The following PLEKHA7 variants were observed in gnomAD, a reference collection of about 807,000 sequenced individuals.
PLEKHA7 encodes the protein pleckstrin homology domain containing A7.
A neutral mutation model predicts 170.0 loss-of-function variants in PLEKHA7; 104 were observed. The ratio of observed to expected loss-of-function variants is 0.61; its 90% CI spans 0.52 to 0.72. The LOEUF (loss-of-function observed/expected upper bound fraction) is 0.72. Ranked by LOEUF, PLEKHA7 falls within the 30% of genes least tolerant of loss-of-function variation. The pLI, the probability that PLEKHA7 is intolerant of heterozygous loss-of-function variation, is 0.00. For missense variants in PLEKHA7, 1,615 were observed against 1,671.7 expected (o/e 0.97, Z 0.59); for synonymous variants, 648 against 660.8 (o/e 0.98, Z 0.30).
In PLEKHA7 at chr11:16,803,284, C is replaced by T. The variant is rs1327347944; in HGVS notation, c.2019G>A (p.Arg673=). 9 of 1,613,450 alleles carry T rather than the reference C, an allele frequency of 5.6e-6. No homozygotes were observed. In the Admixed American group the frequency reaches 1.5e-4, roughly 27 times the overall value. ...LEYLDLKMTG[R]DLLKDRSLKP... is the part of the protein sequence containing the mutation. ...TCAGACTTCGATCCTTGAGAAGGTC[C>T]CGGCCTGTCATCTGGGAGGCGAACA... The change falls in exon 14 of 27, where the codon CGG becomes CGA. Residue 673 remains arginine (R), a synonymous_variant. Coordinates refer to ENST00000531066, the MANE Select transcript of PLEKHA7 (RefSeq NM_001329630.2).
At chr11:16,950,228 A>C (rs570565616) in intron 3 of PLEKHA7, among the ~76,000 whole-genome samples, 33 of 152,260 alleles carry the variant, frequency 2.2e-4, no homozygotes, top group African/African-American at 7.9e-4. Context: ...TGAGGCAAGA[A>C]AATAGAACCA....
chr11:16,987,996 G>C (rs1346837176), intron 3 of PLEKHA7, among the ~76,000 whole-genome samples: 2 of 152,232 alleles, frequency 1.3e-5, no homozygotes, highest in Admixed American at 6.5e-5. Flanking sequence ...TGTGTGGAAG[G>C]CCAGGCTCCC....
Position 17,014,098 on chromosome 11 carries a change from C to A in PLEKHA7, c.163+27G>T, listed in dbSNP as rs1429165324. On this transcript the variant is annotated intron_variant, in intron 2 of 26. Transcript: ENST00000531066. Reference sequence around the variant, plus strand: ...CAAACTTGGGCCGCCGCTGCGCGCGCCCCCCACCCGCCGGCCCGGCGCCCA... The same window carrying A: ...CAAACTTGGGCCGCCGCTGCGCGCGACCCCCACCCGCCGGCCCGGCGCCCA... 5 of 1,587,812 alleles carry A rather than the reference C, an allele frequency of 3.1e-6. No individual in the cohort carries two copies. In the Admixed American group the frequency reaches 5.3e-5, roughly 17 times the overall value.
intron 7 of PLEKHA7, 55 bp downstream of exon 7, chr11:16,852,228 C>T (rs1329146080): frequency 4.0e-6 from 6 of 1,501,472 alleles, no homozygotes; most frequent in Non-Finnish European, 5.5e-6. Context: ...CACCAACCAT[C>T]CACATATGTA....
At chr11:16,799,597 A>G (rs1848454427) in intron 17 of PLEKHA7, among the ~76,000 whole-genome samples, 1 of 152,268 alleles carries the variant, frequency 6.6e-6, no homozygotes, top group Non-Finnish European at 1.5e-5. Context: ...AAAAATTCAG[A>G]TCACTGAAGT....
At chr11:16,932,067 C>T (rs1859977790) in intron 3 of PLEKHA7, among the ~76,000 whole-genome samples, 1 of 152,128 alleles carries the variant, frequency 6.6e-6, no homozygotes. Context: ...CATGAACTCT[C>T]ATAGATGTGA....
Position 16,801,664 on chromosome 11 carries a change from G to T in PLEKHA7, c.2307+4C>A, listed in dbSNP as rs549365299. On this transcript the variant is annotated splice_donor_region_variant and intron_variant, in intron 16 of 26. Coordinates refer to ENST00000531066, the MANE Select transcript of PLEKHA7 (RefSeq NM_001329630.2). Reference sequence around the variant, plus strand: ...GGGAGACAGGTCTGCCACCCTCTACGCACAGTGGACTCTCTGGAGAGCTCA... The same window carrying T: ...GGGAGACAGGTCTGCCACCCTCTACTCACAGTGGACTCTCTGGAGAGCTCA... 6.2e-7 allele frequency: 1 copy of T among 1,613,940 alleles called. No individual in the cohort carries two copies.
intron 3 of PLEKHA7, among the ~76,000 whole-genome samples, chr11:17,007,140 A>G (rs1865047875): frequency 6.6e-6 from 1 of 152,196 alleles, no homozygotes; most frequent in Admixed American, 6.5e-5. Context: ...GGGCATGGAT[A>G]CAGGTGCTTG....
In PLEKHA7 at chr11:16,783,742, T is replaced by C; in HGVS notation, c.3608A>G (p.Tyr1203Cys). The change falls in exon 25 of 27, where the codon TAC (tyrosine) becomes TGC (cysteine). Residue 1203 changes from tyrosine (Y) to cysteine (C), a missense_variant. Physicochemically the swap from Tyr to Cys is radical, Grantham distance 194. Coordinates refer to ENST00000531066, the MANE Select transcript of PLEKHA7 (RefSeq NM_001329630.2). The stretch of plus-strand genomic sequence containing the variant: ...GTTGCGGATCTTCTCGGCTTTGCGG[T>C]ACCGCGCCTGCAGCTCCTCAAGGCT... ...PPSLEELQAR[Y>C]RKAEKIRNIL... 2 of 1,505,744 alleles carry C rather than the reference T, an allele frequency of 1.3e-6. No homozygotes were observed. The highest frequency in any genetic ancestry group is 1.8e-6 in the Non-Finnish European group (2 of 1,132,210). The allele number at this position is 1,505,744 out of a possible 1,614,324, so 93.3% of individuals were successfully genotyped here. A position where few individuals can be genotyped will look rare whatever the true frequency, so the allele number is the denominator to read the frequency against.
chr11:16,825,585 G>A (rs2134933851), intron 10 of PLEKHA7, among the ~76,000 whole-genome samples: 1 of 152,318 alleles, frequency 6.6e-6, no homozygotes, highest in South Asian at 2.1e-4. Flanking sequence ...ACAGTGCTTG[G>A]CAAATAGCAA....
In PLEKHA7 at chr11:16,850,283, G is replaced by A. The variant is rs182288667; in HGVS notation, c.696+908C>T. Among the ~76,000 whole-genome samples the A allele has an allele frequency of 2.4e-4, 36 of 152,312 alleles. 1 individual carries two copies. The highest frequency in any genetic ancestry group is 2.1e-3 in the Admixed American group (32 of 15,294). ...CAAGCAACAAGTGTAGTGGGGACAG[G>A]AGCCCCTACTCCAGCTTGACGTGTA... On this transcript the variant is annotated intron_variant, in intron 8 of 26. Coordinates refer to ENST00000531066, the MANE Select transcript of PLEKHA7 (RefSeq NM_001329630.2).
At chr11:16,780,108 C>A (rs1848914342) in intron 26 of PLEKHA7, among the ~76,000 whole-genome samples, 1 of 152,172 alleles carries the variant, frequency 6.6e-6, no homozygotes, top group African/African-American at 2.4e-5. Context: ...GAGGGGAAAG[C>A]CCTGCAAAAT....
chr11:17,007,512 T>C (rs1436699792), intron 3 of PLEKHA7, among the ~76,000 whole-genome samples: 1 of 150,574 alleles, frequency 6.6e-6, no homozygotes, highest in Non-Finnish European at 1.5e-5. Context: ...TTTTTTTAAA[T>C]GACAAGTCAA....
intron 3 of PLEKHA7, among the ~76,000 whole-genome samples, chr11:17,008,221 G>C (rs1312251079): frequency 2.0e-5 from 3 of 152,208 alleles, no homozygotes; most frequent in Non-Finnish European, 4.4e-5. Flanking sequence ...CCTGAAGCTA[G>C]AAAGGGTCTT....
intron 12 of PLEKHA7, 109 bp downstream of exon 12, chr11:16,816,069 C>G: frequency 5.5e-6 from 5 of 916,296 alleles, no homozygotes; most frequent in Non-Finnish European, 8.7e-6. Context: ...TTCCTCATCT[C>G]TAATATGGGG....
chr11:16,929,681 C>G (rs1859791007), intron 3 of PLEKHA7, among the ~76,000 whole-genome samples: 1 of 152,226 alleles, frequency 6.6e-6, no homozygotes, highest in Non-Finnish European at 1.5e-5. Context: ...AACTGCACCA[C>G]CTCAGTGTAG....
chr11:16,977,383 C>A (rs778211832), intron 3 of PLEKHA7, among the ~76,000 whole-genome samples: 28 of 152,116 alleles, frequency 1.8e-4, no homozygotes, highest in Non-Finnish European at 2.9e-4. Context: ...TCACACGTCT[C>A]CCTCCTCAAT....
chr11:16,900,092 T>A (rs1045842772), intron 3 of PLEKHA7, among the ~76,000 whole-genome samples: 1 of 152,172 alleles, frequency 6.6e-6, no homozygotes, highest in Non-Finnish European at 1.5e-5. Context: ...ACATAGTTAA[T>A]GGGAAGGCCT....
At chr11:16,948,444 A>C (rs1217514833) in intron 3 of PLEKHA7, among the ~76,000 whole-genome samples, 1 of 152,078 alleles carries the variant, frequency 6.6e-6, no homozygotes, top group East Asian at 1.9e-4. Flanking sequence ...GCACACACAC[A>C]CCCCTGACTG....
Sources: allele counts gnomAD v4.1 joint callset (sites outside exome capture counted in the v4.1 genomes callset), GRCh38; gene constraint gnomAD v4.1.1; transcripts MANE v1.5; gene names NCBI Gene and HGNC (gene_info 2026-07-23, HGNC 2026-07-21).